The following CELF4 variants were observed in gnomAD, a reference collection of about 807,000 sequenced individuals.
The protein encoded by CELF4 is CUGBP Elav-like family member 4.
Under a neutral mutation model 59.9 loss-of-function variants are expected in CELF4, and 18 were observed. The observed-to-expected ratio is 0.30, with a 90% confidence interval of 0.21 to 0.45. The LOEUF (loss-of-function observed/expected upper bound fraction) is 0.45. Ranked by LOEUF, CELF4 falls within the 20% of genes least tolerant of loss-of-function variation. The pLI is 1.00. For missense variants in CELF4, 456 were observed against 689.0 expected (o/e 0.66, Z 3.79); for synonymous variants, 261 against 267.1 (o/e 0.98, Z 0.22).
At chr18:37,312,765 T>C (rs926447677) in intron 3 of CELF4, among the ~76,000 whole-genome samples, 5 of 152,054 alleles carry the variant, frequency 3.3e-5, no homozygotes, top group African/African-American at 1.2e-4. Context: ...CCCCCAGGCC[T>C]AGGAGGTGCT....
Position 37,245,043 on chromosome 18 carries a change from C to T in CELF4, c.*199G>A, listed in dbSNP as rs1261053450. ...CTGAACTCCATAGACGCTATACTTTCCTTGAAGAAATGTTACAGTCACACA... is the reference window on the plus strand; with the variant it reads ...CTGAACTCCATAGACGCTATACTTTTCTTGAAGAAATGTTACAGTCACACA... On this transcript the variant is annotated 3_prime_UTR_variant, in exon 13 of 13. Coordinates refer to ENST00000420428, the MANE Select transcript of CELF4 (RefSeq NM_020180.4). The surrounding 1 kb of genome is among the most constrained non-coding windows in gnomAD (Gnocchi z 4.1). 1 of 152,548 alleles carries T rather than the reference C, an allele frequency of 6.6e-6. No homozygotes were observed. The highest frequency in any genetic ancestry group is 6.5e-5 in the Admixed American group (1 of 15,268). The allele number at this position is 152,548 out of a possible 1,614,324, so 9.4% of individuals were successfully genotyped here.
At chr18:37,328,013 A>C in intron 2 of CELF4, among the ~76,000 whole-genome samples, 1 of 152,168 alleles carries the variant, frequency 6.6e-6, no homozygotes, top group East Asian at 1.9e-4. Context: ...GCGTGTGTGC[A>C]TGTGTGTGAC....
intron 10 of CELF4, among the ~76,000 whole-genome samples, chr18:37,262,696 G>A (rs1428592485): frequency 6.6e-6 from 1 of 152,166 alleles, no homozygotes; most frequent in African/African-American, 2.4e-5. Context: ...GGGCCTGTAG[G>A]CACAGCTCTC....
intron 1 of CELF4, among the ~76,000 whole-genome samples, chr18:37,490,071 G>A (rs751926192): frequency 1.3e-5 from 2 of 152,156 alleles, no homozygotes; most frequent in Non-Finnish European, 2.9e-5. Flanking sequence ...ATACTCAAAA[G>A]CAGTTAAAAA....
At chr18:37,361,515 C>T (rs2098702697) in intron 2 of CELF4, among the ~76,000 whole-genome samples, 1 of 152,172 alleles carries the variant, frequency 6.6e-6, no homozygotes, top group African/African-American at 2.4e-5. Context: ...AAAGGCAGCA[C>T]TCCTCCTGAA....
At chr18:37,362,481 C>G (rs575314826) in intron 2 of CELF4, among the ~76,000 whole-genome samples, 23 of 152,136 alleles carry the variant, frequency 1.5e-4, no homozygotes, top group Middle Eastern at 6.8e-3. Context: ...CAAAGCGGGA[C>G]GAGGACAGGG....
At chr18:37,342,585 C>T (rs989455288) in intron 2 of CELF4, among the ~76,000 whole-genome samples, 2 of 152,174 alleles carry the variant, frequency 1.3e-5, no homozygotes, top group Non-Finnish European at 2.9e-5. Context: ...GGAAACAGCT[C>T]CACTGGGCCT....
intron 2 of CELF4, among the ~76,000 whole-genome samples, chr18:37,429,154 G>A (rs531506576): frequency 2.0e-5 from 3 of 152,188 alleles, no homozygotes; most frequent in South Asian, 4.1e-4. Context: ...TGGGGCCATC[G>A]CTGGCTACGT....
intron 10 of CELF4, among the ~76,000 whole-genome samples, 165 bp from the exon 11 acceptor site, chr18:37,259,429 G>A (rs371424981): frequency 6.6e-6 from 1 of 152,136 alleles, no homozygotes; most frequent in Non-Finnish European, 1.5e-5. Context: ...GAAGAGGCAG[G>A]GATGCTGAGC....
chr18:37,386,490 A>C (rs2099101017), intron 2 of CELF4, among the ~76,000 whole-genome samples: 2 of 152,332 alleles, frequency 1.3e-5, no homozygotes, highest in African/African-American at 4.8e-5. Flanking sequence ...GATGGGAATG[A>C]GGAGAGTGAG....
At chr18:37,392,310 C>T (rs1283640083) in intron 2 of CELF4, among the ~76,000 whole-genome samples, 1 of 152,204 alleles carries the variant, frequency 6.6e-6, no homozygotes, top group African/African-American at 2.4e-5. Context: ...TTTTAGCTTG[C>T]GTTGCTCTGT....
At chr18:37,538,139 G>T (rs987392901) in intron 1 of CELF4, among the ~76,000 whole-genome samples, 1 of 152,216 alleles carries the variant, frequency 6.6e-6, no homozygotes, top group African/African-American at 2.4e-5. Flanking sequence ...ATGGCGGGGT[G>T]GGAGGGCGGC....
chr18:37,453,327 TG>T (rs34220712), intron 2 of CELF4, among the ~76,000 whole-genome samples: 4 of 152,228 alleles, frequency 2.6e-5, no homozygotes, highest in African/African-American at 7.2e-5. Context: ...CTTGTGTTTG[TG>T]GGGTACTCCC....
chr18:37,440,406 G>A (rs552349504), intron 2 of CELF4, among the ~76,000 whole-genome samples: 10 of 152,286 alleles, frequency 6.6e-5, no homozygotes, highest in Admixed American at 2.0e-4. Flanking sequence ...TGCCCAGTTT[G>A]TCTCAGGCCC....
chr18:37,351,088 T>C (rs555985479), intron 2 of CELF4, among the ~76,000 whole-genome samples: 1 of 152,088 alleles, frequency 6.6e-6, no homozygotes, highest in African/African-American at 2.4e-5. Flanking sequence ...TAATATTACA[T>C]TTAAAAACGC....
chr18:37,545,004 A>G (rs1856289086), intron 1 of CELF4, among the ~76,000 whole-genome samples: 1 of 152,206 alleles, frequency 6.6e-6, no homozygotes, highest in South Asian at 2.1e-4. Flanking sequence ...CCTCATCCTC[A>G]GGGAATTCAA....
chr18:37,266,386 G>A, intron 9 of CELF4, 147 bp downstream of exon 9: 2 of 853,932 alleles, frequency 2.3e-6, no homozygotes, highest in Non-Finnish European at 3.8e-6. Context: ...AGCCTGGAGG[G>A]TCTCTGCCAG....
At chr18:37,314,926 C>G (rs1266672616) in intron 3 of CELF4, among the ~76,000 whole-genome samples, 1 of 152,156 alleles carries the variant, frequency 6.6e-6, no homozygotes, top group African/African-American at 2.4e-5. Flanking sequence ...GACCTCCAGC[C>G]CGGGCCTCAC....
rs545886011 is a variant in CELF4 at position 37,263,295 on chromosome 18, T to C, written c.1249+1379A>G. ...CAGCCAGGCAGGCTGTGGCACCTCT[T>C]TGGGGTCTGAGGGACTTGTCTGGCA... On this transcript the variant is annotated intron_variant, in intron 10 of 12. Coordinates refer to ENST00000420428, the MANE Select transcript of CELF4 (RefSeq NM_020180.4). Among the ~76,000 whole-genome samples, 3 of 152,240 alleles carry C rather than the reference T, an allele frequency of 2.0e-5. No individual in the cohort carries two copies. In the East Asian group the frequency reaches 5.8e-4, roughly 29 times the overall value.
Sources: allele counts gnomAD v4.1 joint callset (sites outside exome capture counted in the v4.1 genomes callset), GRCh38; gene constraint gnomAD v4.1.1; non-coding constraint Gnocchi (gnomAD v3.1); transcripts MANE v1.5; gene names NCBI Gene and HGNC (gene_info 2026-07-23, HGNC 2026-07-21).